ZIM2: variants seen among roughly 807,000 people sequenced by gnomAD.
ZIM2 encodes zinc finger protein 656.
ZIM2 carries 14 observed loss-of-function variants against 38.6 expected under a neutral mutation model. The observed-to-expected ratio is 0.36, with a 90% CI of 0.24 to 0.57. The LOEUF is 0.57. Among genes scored for constraint, ZIM2 ranks in the 20% least tolerant of loss-of-function variants. The pLI, the probability that ZIM2 is intolerant of heterozygous loss-of-function variation, is 0.81. For missense variants in ZIM2, 680 were observed against 695.1 expected (o/e 0.98, Z 0.24); for synonymous variants, 247 against 245.8 (o/e 1.00, Z -0.04).
intron 10 of ZIM2, among the ~76,000 whole-genome samples, chr19:56,785,605 C>A (rs2046558676): frequency 6.6e-6 from 1 of 152,194 alleles, no homozygotes; most frequent in South Asian, 2.1e-4. Context: ...TAAAGGCCTA[C>A]AATAAGCCAC....
At chr19:56,791,538 T>C (rs1337532884) in intron 9 of ZIM2, among the ~76,000 whole-genome samples, 1 of 152,154 alleles carries the variant, frequency 6.6e-6, no homozygotes, top group African/African-American at 2.4e-5. Context: ...AATTCATTTG[T>C]TTATATTTTT....
chr19:56,825,904 T>A (rs565631867), intron 3 of ZIM2, among the ~76,000 whole-genome samples: 1 of 152,210 alleles, frequency 6.6e-6, no homozygotes, highest in Admixed American at 6.5e-5. Context: ...AATGTGGTAA[T>A]CACGGTAAAC....
At chr19:56,839,207 C>T (rs1376766348) in intron 1 of ZIM2, among the ~76,000 whole-genome samples, 1 of 152,162 alleles carries the variant, frequency 6.6e-6, no homozygotes, top group Non-Finnish European at 1.5e-5. Context: ...TGCCCCGCCC[C>T]ATCTGCCACC....
In ZIM2 at chr19:56,814,980, C is replaced by T. The variant is rs2059837220; in HGVS notation, c.490+2766G>A. On this transcript the variant is annotated intron_variant, in intron 9 of 12. Transcript: ENST00000629319. This position sits in a 1 kb window ranked among gnomAD's most constrained non-coding sequence, Gnocchi z 5.8. ...ACAGCTGCTCTCCAGTGTAATCTCT[C>T]TGATACTCGCTGATGGAATGGGTGT... The T allele has an allele frequency of 2.5e-6, 4 of 1,614,150 alleles. No individual in the cohort carries two copies. Among genetic ancestry groups the T allele is most frequent in the Non-Finnish European group, 3.4e-6 (4 of 1,180,026 alleles).
At chr19:56,778,709 CTA>C (rs1403124791) in intron 12 of ZIM2, among the ~76,000 whole-genome samples, 2 of 152,198 alleles carry the variant, frequency 1.3e-5, no homozygotes, top group African/African-American at 4.8e-5. Context: ...AATAATCCCT[CTA>C]TGACTTTAGC....
At chr19:56,783,955 A>AT (rs1392768844) in intron 10 of ZIM2, among the ~76,000 whole-genome samples, 1 of 152,200 alleles carries the variant, frequency 6.6e-6, no homozygotes, top group African/African-American at 2.4e-5. Flanking sequence ...AATGCATAGG[A>AT]TCTCCCCACT....
chr19:56,837,066 G>C (rs2146668990), intron 1 of ZIM2, among the ~76,000 whole-genome samples: 1 of 151,458 alleles, frequency 6.6e-6, no homozygotes, highest in South Asian at 2.1e-4. Context: ...CAAAACAAAA[G>C]GGCTGACTTA....
chr19:56,833,477 C>T (rs1238282033), intron 2 of ZIM2: 2 of 287,484 alleles, frequency 7.0e-6, no homozygotes, highest in South Asian at 3.4e-5. Flanking sequence ...CTGTCCCAGC[C>T]CAGGCCTACG....
intron 9 of ZIM2, chr19:56,810,087 TTTTAAC>T (rs2049351515): frequency 1.2e-6 from 1 of 842,832 alleles, no homozygotes; most frequent in Non-Finnish European, 1.4e-6. Flanking sequence ...AAATATTTAT[TTTTAAC>T]TTTATTTTTA....
intron 9 of ZIM2, among the ~76,000 whole-genome samples, chr19:56,809,510 C>A (rs2047955301): frequency 2.6e-5 from 4 of 152,096 alleles, no homozygotes; most frequent in Admixed American, 2.6e-4. Context: ...AAGCTCTGAT[C>A]ATTATGGAAT....
At chr19:56,817,353 C>T in intron 9 of ZIM2, 1 of 1,614,018 alleles carries the variant, frequency 6.2e-7, no homozygotes, top group Non-Finnish European at 8.5e-7. Flanking sequence ...CATAAACCCG[C>T]TGCTGGATCA....
intron 1 of ZIM2, among the ~76,000 whole-genome samples, chr19:56,837,100 G>C (rs1568732220): frequency 6.6e-6 from 1 of 152,086 alleles, no homozygotes; most frequent in Non-Finnish European, 1.5e-5. Flanking sequence ...TGGAGCCAGG[G>C]CTAGGTAAGT....
intron 9 of ZIM2, among the ~76,000 whole-genome samples, chr19:56,803,026 C>G (rs1450882190): frequency 6.6e-6 from 1 of 152,226 alleles, no homozygotes; most frequent in Non-Finnish European, 1.5e-5. Context: ...GACTCAGTTG[C>G]TAAAGGATGG....
chr19:56,822,543 T>C, intron 6 of ZIM2: 1 of 538,680 alleles, frequency 1.9e-6, no homozygotes, highest in Non-Finnish European at 3.2e-6. Flanking sequence ...AGCAAATAGT[T>C]TAGGTGGCAA....
rs750703800 is a variant in ZIM2, at chr19:56,816,240, A to T, written c.490+1506T>A. ...TTTCAAGAGGTCTTGTTATAGTATG[A>T]CTCTTCTGAGATTCAGTGAATGGCC... On this transcript the variant is annotated intron_variant, in intron 9 of 12. Coordinates refer to ENST00000629319, the MANE Select transcript of ZIM2 (RefSeq NM_001387356.1). 21 of 1,613,956 alleles carry T rather than the reference A, an allele frequency of 1.3e-5. No individual in the cohort carries two copies. The highest frequency in any genetic ancestry group is 1.7e-5 in the Non-Finnish European group (20 of 1,179,944).
chr19:56,776,325 G>T (rs2046006060), intron 12 of ZIM2, among the ~76,000 whole-genome samples: 1 of 152,170 alleles, frequency 6.6e-6, no homozygotes, highest in South Asian at 2.1e-4. Context: ...CTGTTACCAT[G>T]AAGGGGGCTC....
chr19:56,811,776 C>A (rs1411049893), intron 9 of ZIM2: 1 of 985,398 alleles, frequency 1.0e-6, no homozygotes, highest in Non-Finnish European at 1.2e-6. Context: ...CTACACCATA[C>A]CATCAAAAAC....
chr19:56,821,388 C>T (rs1025732722), intron 7 of ZIM2, among the ~76,000 whole-genome samples: 2 of 152,142 alleles, frequency 1.3e-5, no homozygotes, highest in African/African-American at 4.8e-5. Context: ...CTGTAGGGAA[C>T]GGCCAATGTG....
At chr19:56,816,931 C>T (rs2060033732) in intron 9 of ZIM2, 4 of 1,614,212 alleles carry the variant, frequency 2.5e-6, no homozygotes, top group Non-Finnish European at 2.5e-6. Context: ...ACATTCAAAA[C>T]GTTTCCCTCC....
Sources: gnomAD v4.1 joint callset for allele counts (sites outside exome capture counted in the v4.1 genomes callset) on GRCh38, gnomAD v4.1.1 for gene constraint, Gnocchi (gnomAD v3.1) non-coding constraint, MANE v1.5 for transcripts, NCBI Gene and HGNC (gene_info 2026-07-23, HGNC 2026-07-21) for gene names.